TMEM144: variants seen among roughly 807,000 people sequenced by gnomAD.
TMEM144 encodes the protein transmembrane protein 144.
Under a neutral mutation model 43.6 loss-of-function variants are expected in TMEM144, and 39 were observed. The observed-to-expected ratio is 0.90, with a 90% confidence interval of 0.69 to 1.17. The LOEUF is 1.17. Among genes scored for constraint, TMEM144 ranks in the 50% most tolerant of loss-of-function variants. The pLI, the probability that TMEM144 is intolerant of heterozygous loss-of-function variation, is 0.00. For synonymous variants in TMEM144, 154 were observed against 133.6 expected (o/e 1.15, Z -1.06); for missense variants, 417 against 411.9 (o/e 1.01, Z -0.11).
chr4:158,214,724 G>A (rs1389790230), intron 3 of TMEM144, among the ~76,000 whole-genome samples: 1 of 152,106 alleles, frequency 6.6e-6, no homozygotes, highest in African/African-American at 2.4e-5. Context: ...TTATCCCAGA[G>A]GTGGCATAAA....
chr4:158,243,120 A>G (rs1735709519), intron 11 of TMEM144, among the ~76,000 whole-genome samples: 1 of 152,216 alleles, frequency 6.6e-6, no homozygotes, highest in Non-Finnish European at 1.5e-5. Flanking sequence ...TTTTCAGATT[A>G]AAAATTCTTG....
At chr4:158,224,138 T>C (rs1237313397) in intron 6 of TMEM144, among the ~76,000 whole-genome samples, 1 of 152,236 alleles carries the variant, frequency 6.6e-6, no homozygotes, top group Non-Finnish European at 1.5e-5. Flanking sequence ...ATTGTGGTTT[T>C]GATTTGCATT....
chr4:158,247,827 C>T (rs990406841), intron 12 of TMEM144, among the ~76,000 whole-genome samples: 3 of 151,132 alleles, frequency 2.0e-5, no homozygotes, highest in Admixed American at 6.6e-5. Flanking sequence ...TCTCTAATTA[C>T]GTTCAGTATA....
chr4:158,227,930 C>T (rs1197445211), intron 6 of TMEM144, among the ~76,000 whole-genome samples: 3 of 152,140 alleles, frequency 2.0e-5, no homozygotes, highest in African/African-American at 7.2e-5. Context: ...CTAGTAGGGT[C>T]AGCTTATCTG....
At chr4:158,220,223 G>T (rs1252282575) in intron 6 of TMEM144, among the ~76,000 whole-genome samples, 1 of 152,196 alleles carries the variant, frequency 6.6e-6, no homozygotes, top group Non-Finnish European at 1.5e-5. Context: ...TTGCCTTAGA[G>T]AGTAGTCCCA....
chr4:158,243,278 G>A (rs1371556923), intron 11 of TMEM144, among the ~76,000 whole-genome samples: 1 of 152,136 alleles, frequency 6.6e-6, no homozygotes, highest in Non-Finnish European at 1.5e-5. Context: ...TTGATAAAAG[G>A]CAGTTCCTTT....
At chr4:158,225,734 G>A (rs200895753) in intron 6 of TMEM144, among the ~76,000 whole-genome samples, 2 of 152,352 alleles carry the variant, frequency 1.3e-5, no homozygotes, top group East Asian at 3.9e-4. Flanking sequence ...ATGAACAAGG[G>A]CTGACTGATT....
At chr4:158,223,282 C>T (rs1259030208) in intron 6 of TMEM144, among the ~76,000 whole-genome samples, 4 of 152,144 alleles carry the variant, frequency 2.6e-5, no homozygotes, top group Admixed American at 2.0e-4. Flanking sequence ...TATGCATTCT[C>T]ATTTGATTTT....
At chr4:158,246,018 A>G (rs1272772194) in intron 12 of TMEM144, among the ~76,000 whole-genome samples, 1 of 152,120 alleles carries the variant, frequency 6.6e-6, no homozygotes, top group Non-Finnish European at 1.5e-5. Context: ...GGTGGCATCT[A>G]CCTGTAGTCC....
chr4:158,250,791 C>T (rs1355107237), intron 12 of TMEM144, among the ~76,000 whole-genome samples: 1 of 152,168 alleles, frequency 6.6e-6, no homozygotes, highest in Non-Finnish European at 1.5e-5. Flanking sequence ...TAGCCTCTAA[C>T]AGCCCAGGGT....
rs757282289 is a variant in TMEM144, at chr4:158,253,470, A to G, written c.981A>G (p.Ile327Met). The change falls in exon 13 of 13, where the codon ATA becomes ATG. Residue 327 changes from isoleucine to methionine, a missense_variant. Coordinates refer to ENST00000296529, the MANE Select transcript of TMEM144 (RefSeq NM_018342.5). ...IKGLQNYLLMILAFCIILTGA... is the reference protein window; with the variant it reads ...IKGLQNYLLMMLAFCIILTGA... ...GTCTACAAAACTACCTATTAATGAT[A>G]CTTGCATTTTGCATCATCTTGACTG... 2.5e-6 allele frequency: 4 copies of G among 1,613,734 alleles called. No homozygotes were observed. The highest frequency in any genetic ancestry group is 1.7e-4 in the Middle Eastern group (1 of 6,058).
At position 158,212,771 on chromosome 4, in the gene TMEM144, G is replaced by A; in HGVS notation, c.104G>A (p.Gly35Asp). Residue 35 changes from glycine to aspartate, a missense_variant, in exon 3 of 13, where the codon GGT becomes GAT. Coordinates refer to ENST00000296529, the MANE Select transcript of TMEM144 (RefSeq NM_018342.5). ...GTGCCACTTAAAAAATTTGATACTG[G>A]TGATGGTAATTATTTTTCCTTGATT... ...NFVPLKKFDTGDGMFLQWVLC... is the reference protein window; with the variant it reads ...NFVPLKKFDTDDGMFLQWVLC... The A allele has an allele frequency of 3.1e-6, 5 of 1,607,470 alleles. No homozygotes were observed. The highest frequency in any genetic ancestry group is 3.4e-6 in the Non-Finnish European group (4 of 1,174,256).
intron 9 of TMEM144, among the ~76,000 whole-genome samples, chr4:158,239,831 T>C (rs934904516): frequency 6.6e-6 from 1 of 152,170 alleles, no homozygotes; most frequent in African/African-American, 2.4e-5. Flanking sequence ...ATATATTAAT[T>C]AAAATTCTAT....
intron 6 of TMEM144, among the ~76,000 whole-genome samples, chr4:158,226,644 T>C (rs1360974539): frequency 1.3e-5 from 2 of 152,200 alleles, no homozygotes; most frequent in Non-Finnish European, 2.9e-5. Context: ...TTTGTTTTTG[T>C]TTTTGTTTTA....
intron 9 of TMEM144, among the ~76,000 whole-genome samples, chr4:158,239,874 A>C (rs946358209): frequency 6.6e-6 from 1 of 151,838 alleles, no homozygotes; most frequent in Admixed American, 6.6e-5. Flanking sequence ...GGATGATTAA[A>C]TATAATTAAT....
At chr4:158,214,060 A>G (rs1382747979) in intron 3 of TMEM144, 1 of 151,998 alleles carries the variant, frequency 6.6e-6, no homozygotes, top group Non-Finnish European at 1.5e-5. Flanking sequence ...TTGGGGAGAT[A>G]GAGTCTCACT....
At chr4:158,249,093 G>A (rs1289305036) in intron 12 of TMEM144, among the ~76,000 whole-genome samples, 1 of 152,126 alleles carries the variant, frequency 6.6e-6, no homozygotes, top group Non-Finnish European at 1.5e-5. Context: ...TTTTAGTAGA[G>A]ACGGGGTTTC....
chr4:158,244,356 A>G lies in TMEM144; in HGVS notation c.954+7A>G, dbSNP rs1381843006. 3 of 1,608,496 alleles carry G rather than the reference A, an allele frequency of 1.9e-6. No homozygotes were observed. Among genetic ancestry groups the G allele is most frequent in the African/African-American group, 1.3e-5 (1 of 74,752 alleles). On this transcript the variant is annotated splice_region_variant and intron_variant, in intron 12 of 12. Coordinates refer to ENST00000296529, the MANE Select transcript of TMEM144 (RefSeq NM_018342.5). The stretch of plus-strand genomic sequence containing the variant: ...CATGTTTAAGGAAATAAAGGTATGT[A>G]CAAGAAAGGGCAGACTTAGAAAATG...
chr4:158,253,664 T>C lies in TMEM144; in HGVS notation c.*137T>C, dbSNP rs1404840884. The C allele has an allele frequency of 4.6e-6, 3 of 653,238 alleles. No homozygotes were observed. The African/African-American group carries it at 5.5e-5, about 12-fold the overall frequency. 40.5% of individuals were successfully genotyped at this position (653,238 alleles called of 1,614,324 possible). A position where few individuals can be genotyped will look rare whatever the true frequency, so the allele number is the denominator to read the frequency against. On this transcript the variant is annotated 3_prime_UTR_variant, in exon 13 of 13. Transcript: ENST00000296529. ...CACTGTTGGAGTGGGTAAATGATTT[T>C]TTTCCCCAAAAATGTGAGAATGAAG...
Sources: allele counts gnomAD v4.1 joint callset (sites outside exome capture counted in the v4.1 genomes callset), GRCh38; gene constraint gnomAD v4.1.1; transcripts MANE v1.5; gene names NCBI Gene and HGNC (gene_info 2026-07-23, HGNC 2026-07-21).